EBF1: variants seen among roughly 807,000 people sequenced by gnomAD.
EBF1 encodes the protein EBF transcription factor 1.
Under a neutral mutation model 68.4 loss-of-function variants are expected in EBF1, and 10 were observed. That is an observed-to-expected ratio of 0.15 (90% CI 0.09 to 0.25). EBF1 has a LOEUF of 0.25. EBF1 is among the 10% of genes least tolerant of loss of function. EBF1 has a pLI of 1.00. For missense variants in EBF1, 509 were observed against 794.4 expected (o/e 0.64, Z 4.32); for synonymous variants, 298 against 299.8 (o/e 0.99, Z 0.06).
At chr5:158,919,473 G>A (rs1044699304) in intron 6 of EBF1, among the ~76,000 whole-genome samples, 3 of 152,108 alleles carry the variant, frequency 2.0e-5, no homozygotes, top group Admixed American at 6.5e-5. Flanking sequence ...GAAAACAACA[G>A]AGAAACATAA....
chr5:158,804,689 T>C (rs1251425155), intron 8 of EBF1, among the ~76,000 whole-genome samples: 1 of 152,304 alleles, frequency 6.6e-6, no homozygotes, highest in East Asian at 1.9e-4. Flanking sequence ...AATTGTTTGT[T>C]AACTACACTG....
intron 10 of EBF1, among the ~76,000 whole-genome samples, chr5:158,750,924 C>T (rs1272789645): frequency 1.3e-5 from 2 of 151,876 alleles, no homozygotes; most frequent in Non-Finnish European, 2.9e-5. Flanking sequence ...AAATTTCTAG[C>T]AATAGTGAAT....
chr5:158,729,211 G>A (rs758706474), intron 11 of EBF1, among the ~76,000 whole-genome samples: 24 of 152,206 alleles, frequency 1.6e-4, no homozygotes, highest in Non-Finnish European at 3.2e-4. Context: ...TGAGGACATT[G>A]AGGCACAGAG....
intron 6 of EBF1, among the ~76,000 whole-genome samples, chr5:159,059,373 A>C (rs1775374196): frequency 6.6e-6 from 1 of 152,212 alleles, no homozygotes; most frequent in Admixed American, 6.5e-5. Context: ...GAAAAAAAAA[A>C]AACTAACATT....
intron 11 of EBF1, among the ~76,000 whole-genome samples, chr5:158,725,413 T>C (rs930940688): frequency 9.9e-5 from 15 of 152,256 alleles, no homozygotes; most frequent in Non-Finnish European, 2.2e-4. Context: ...CCTGCTGGAA[T>C]GAACAACAAC....
chr5:158,855,719 C>T (rs570098050), intron 6 of EBF1, among the ~76,000 whole-genome samples: 5 of 152,340 alleles, frequency 3.3e-5, no homozygotes, highest in East Asian at 3.9e-4. Context: ...AGTAAATGAA[C>T]GCCTGATGAA....
At chr5:159,014,723 G>C (rs1765333830) in intron 6 of EBF1, among the ~76,000 whole-genome samples, 1 of 152,140 alleles carries the variant, frequency 6.6e-6, no homozygotes, top group Admixed American at 6.5e-5. Context: ...GTAACCATGT[G>C]ACCAATTCCT....
At chr5:158,781,036 CT>C (rs1207207969) in intron 9 of EBF1, among the ~76,000 whole-genome samples, 1 of 152,140 alleles carries the variant, frequency 6.6e-6, no homozygotes, top group African/African-American at 2.4e-5. Flanking sequence ...TACTCTTTCC[CT>C]TCCTTGGAAC....
chr5:158,841,695 A>G (rs1285762168), intron 6 of EBF1, among the ~76,000 whole-genome samples: 1 of 152,220 alleles, frequency 6.6e-6, no homozygotes, highest in Non-Finnish European at 1.5e-5. Flanking sequence ...CACTGCACGA[A>G]GACATACAGA....
chr5:158,762,777 C>T (rs779671091), intron 10 of EBF1, among the ~76,000 whole-genome samples: 4 of 152,110 alleles, frequency 2.6e-5, no homozygotes, highest in East Asian at 1.9e-4. Flanking sequence ...CCTCGTGATC[C>T]GCCTGCCTCG....
chr5:159,045,769 G>A (rs1772255962), intron 6 of EBF1, among the ~76,000 whole-genome samples: 1 of 152,154 alleles, frequency 6.6e-6, no homozygotes, highest in Non-Finnish European at 1.5e-5. Context: ...GAAACTGCAG[G>A]AGCTTGAGAT....
chr5:158,818,233 T>A (rs1784142399), intron 8 of EBF1, among the ~76,000 whole-genome samples: 1 of 152,154 alleles, frequency 6.6e-6, no homozygotes, highest in African/African-American at 2.4e-5. Context: ...CAATTTGAGG[T>A]AGTCTCTCCA....
chr5:159,074,820 T>A (rs981428034), intron 5 of EBF1, among the ~76,000 whole-genome samples: 17 of 152,178 alleles, frequency 1.1e-4, no homozygotes, highest in Admixed American at 5.9e-4. Context: ...CCTTTCACCT[T>A]CTGATTCAGA....
At chr5:158,804,660 T>C (rs1781240791) in intron 8 of EBF1, among the ~76,000 whole-genome samples, 2 of 152,276 alleles carry the variant, frequency 1.3e-5, no homozygotes, top group Admixed American at 6.5e-5. Context: ...CAACATAGCA[T>C]TGTTTCATAA....
intron 7 of EBF1, among the ~76,000 whole-genome samples, chr5:158,835,440 C>A (rs1788541091): frequency 6.6e-6 from 1 of 152,182 alleles, no homozygotes; most frequent in Non-Finnish European, 1.5e-5. Context: ...GAAAAATGTT[C>A]ATGTTTCCTC....
chr5:158,773,282 T>G (rs1441975365), intron 10 of EBF1, among the ~76,000 whole-genome samples: 1 of 152,142 alleles, frequency 6.6e-6, no homozygotes, highest in African/African-American at 2.4e-5. Flanking sequence ...TGTTATGCAT[T>G]GGCAAAGGAT....
intron 11 of EBF1, among the ~76,000 whole-genome samples, chr5:158,728,723 C>G (rs1363967061): frequency 1.3e-5 from 2 of 152,150 alleles, no homozygotes; most frequent in African/African-American, 4.8e-5. Flanking sequence ...ACCACCATGC[C>G]TAGCTAACGT....
intron 6 of EBF1, among the ~76,000 whole-genome samples, chr5:159,071,650 T>C (rs1777807855): frequency 6.6e-6 from 1 of 152,174 alleles, no homozygotes; most frequent in South Asian, 2.1e-4. Flanking sequence ...TCAAATGTTA[T>C]TCAAACCACA....
chr5:158,750,896 G>T (rs1206182893), intron 10 of EBF1, among the ~76,000 whole-genome samples: 1 of 151,962 alleles, frequency 6.6e-6, no homozygotes, highest in Non-Finnish European at 1.5e-5. Flanking sequence ...CATTATACGA[G>T]TATAAATAAA....
Sources: allele counts gnomAD v4.1 joint callset (sites outside exome capture counted in the v4.1 genomes callset), GRCh38; gene constraint gnomAD v4.1.1; transcripts MANE v1.5; gene names NCBI Gene and HGNC (gene_info 2026-07-23, HGNC 2026-07-21).